ZP4: variants seen among roughly 807,000 people sequenced by gnomAD.
ZP4 encodes zona pellucida sperm-binding protein 4.
ZP4 carries 62 observed loss-of-function variants against 62.3 expected under a neutral mutation model. That is an observed-to-expected ratio of 0.99 (90% CI 0.81 to 1.23). The LOEUF is 1.23. Among genes scored for constraint, ZP4 ranks in the 50% most tolerant of loss-of-function variants. The probability of loss-of-function intolerance (pLI) is 0.00; values close to 1 mark genes in which losing one functional copy is unlikely to be tolerated. For missense variants in ZP4, 774 were observed against 656.0 expected, an observed-to-expected ratio of 1.18 and a Z score of -1.97; for synonymous variants, 289 against 247.3, an observed-to-expected ratio of 1.17 and a Z score of -1.58.
chr1:237,887,585 A>T (rs761353828), intron 4 of ZP4, 24 bp from the exon 5 acceptor site: 15 of 1,605,366 alleles, frequency 9.3e-6, no homozygotes, highest in Admixed American at 6.8e-5. Context: ...GCTGTGCTGA[A>T]GGCAGGTCAT....
At chr1:237,888,292 T>G in intron 4 of ZP4, 66 bp downstream of exon 4, 1 of 1,447,168 alleles carries the variant, frequency 6.9e-7, no homozygotes. Flanking sequence ...AGCAAACCCC[T>G]CTCTGGGTTT....
intron 10 of ZP4, among the ~76,000 whole-genome samples, chr1:237,883,698 G>GAGA (rs1664981411): frequency 5.4e-5 from 1 of 18,594 alleles, no homozygotes; most frequent in African/African-American, 2.9e-4. Context: ...GGAGGGCGGG[G>GAGA]GAGGGCGGGG....
chr1:237,889,833 C>A (rs761534430), intron 3 of ZP4, 34 bp downstream of exon 3: 9 of 1,509,428 alleles, frequency 6.0e-6, no homozygotes, highest in South Asian at 2.2e-5. Context: ...ACCCCCACCA[C>A]CCCCACAAGA....
intron 6 of ZP4, 58 bp downstream of exon 6, chr1:237,886,713 C>T: frequency 6.9e-7 from 1 of 1,459,646 alleles, no homozygotes; most frequent in South Asian, 1.2e-5. Context: ...GGATTCAGGG[C>T]TTACCTGAGA....
rs866786694 is a variant in ZP4, at chr1:237,890,460, C to A, written c.175+1G>T. 6.2e-7 allele frequency: 1 copy of A among 1,606,904 alleles called. No individual in the cohort carries two copies. The highest frequency in any genetic ancestry group is 1.7e-5 in the Admixed American group (1 of 58,656). Reference sequence around the variant, plus strand: ...TAAGCAAGGCAAGTCATCAAACTTACCCCAAGCTATTAGTACAGGAGGAGA... The same window carrying A: ...TAAGCAAGGCAAGTCATCAAACTTAACCCAAGCTATTAGTACAGGAGGAGA... On this transcript the variant is annotated splice_donor_variant, in intron 1 of 11. Coordinates refer to ENST00000366570, the MANE Select transcript of ZP4 (RefSeq NM_021186.5). LOFTEE classifies it high-confidence loss of function.
chr1:237,890,379 A>G, intron 1 of ZP4, 82 bp downstream of exon 1: 1 of 1,524,034 alleles, frequency 6.6e-7, no homozygotes, highest in Non-Finnish European at 8.9e-7. Flanking sequence ...GAAAGTATCA[A>G]TACGGGAAGA....
intron 7 of ZP4, 24 bp from the exon 8 acceptor site, chr1:237,885,604 T>A (rs1239934216): frequency 6.2e-7 from 1 of 1,609,070 alleles, no homozygotes; most frequent in South Asian, 1.1e-5. Flanking sequence ...AAATAAGGAT[T>A]TGAAGTAGTA....
Position 237,890,526 on chromosome 1 carries a change from C to T in ZP4, c.110G>A (p.Trp37Ter). 6.2e-7 allele frequency: 1 copy of T among 1,614,048 alleles called. No individual in the cohort carries two copies. Among genetic ancestry groups the T allele is most frequent in the Non-Finnish European group, 8.5e-7 (1 of 1,180,012 alleles). ...GAGGTTTACAGCAAACTGGAAGCTC[C>T]ACGGCCCACAGTGGAGCACACTGGA... ...DYSSVLHCGP[W>*]SFQFAVNLNQ... Residue 37 changes from tryptophan to a stop codon, truncating the protein, a stop_gained, in exon 1 of 12, where the codon TGG becomes TAG. Coordinates refer to ENST00000366570, the MANE Select transcript of ZP4 (RefSeq NM_021186.5). LOFTEE classifies it high-confidence loss of function.
chr1:237,890,385 G>A, intron 1 of ZP4, 76 bp downstream of exon 1: 5 of 1,532,226 alleles, frequency 3.3e-6, no homozygotes, highest in Non-Finnish European at 4.4e-6. Context: ...ATCAATACGG[G>A]AAGATAGGGA....
chr1:237,885,116 T>C, intron 9 of ZP4, 49 bp downstream of exon 9: 2 of 1,593,304 alleles, frequency 1.3e-6, no homozygotes, highest in Non-Finnish European at 1.7e-6. Context: ...CAGTTGTAAG[T>C]TGGGGAGGTT....
Position 237,887,578 on chromosome 1 carries a change from G to C in ZP4, c.554-17C>G, listed in dbSNP as rs371408938. 2 of 1,609,370 alleles carry C rather than the reference G, an allele frequency of 1.2e-6. No homozygotes were observed. The highest frequency in any genetic ancestry group is 1.7e-6 in the Non-Finnish European group (2 of 1,177,664). On this transcript the variant is annotated splice_polypyrimidine_tract_variant and intron_variant, in intron 4 of 11. Coordinates refer to ENST00000366570, the MANE Select transcript of ZP4 (RefSeq NM_021186.5). ...GCAAGGTCACTGAAACAGAGCAGCT[G>C]TGCTGAAGGCAGGTCATCTCTCCCA...
At position 237,882,717 on chromosome 1, in the gene ZP4, G is replaced by C. The variant is rs964244000; in HGVS notation, c.1495+25C>G. On this transcript the variant is annotated intron_variant, in intron 11 of 11. Coordinates refer to ENST00000366570, the MANE Select transcript of ZP4 (RefSeq NM_021186.5). ...GATTAGTAATTTAGTTCACTAGTTTGATCTCCTCCCTCTTGGATACTTACG... is the reference window on the plus strand; with the variant it reads ...GATTAGTAATTTAGTTCACTAGTTTCATCTCCTCCCTCTTGGATACTTACG... The C allele has an allele frequency of 1.9e-6, 3 of 1,608,772 alleles. No individual in the cohort carries two copies. The African/African-American group carries it at 4.0e-5, about 22-fold the overall frequency.
chr1:237,888,605 A>G, intron 3 of ZP4, 95 bp from the exon 4 acceptor site: 1 of 1,232,982 alleles, frequency 8.1e-7, no homozygotes, highest in Middle Eastern at 2.1e-4. Context: ...ATTCCTGTAG[A>G]TATGTAGATG....
rs772498609 is a variant in ZP4 at position 237,884,695 on chromosome 1, C to T, written c.1390+74G>A. The stretch of plus-strand genomic sequence containing the variant: ...TGAATCTTCAGTTTGAGTTGTTTGG[C>T]CAGAGACTAGGAAAGGTTAGACATG... On this transcript the variant is annotated intron_variant, in intron 10 of 11. Coordinates refer to ENST00000366570, the MANE Select transcript of ZP4 (RefSeq NM_021186.5). 101 of 1,402,560 alleles carry T rather than the reference C, an allele frequency of 7.2e-5. 1 individual carries two copies. The highest frequency in any genetic ancestry group is 9.7e-5 in the Non-Finnish European group (98 of 1,007,278). The allele number at this position is 1,402,560 out of a possible 1,614,324, so 86.9% of individuals were successfully genotyped here.
rs748187253 is a variant in ZP4, at chr1:237,890,503, G to C, written c.133C>G (p.Leu45Val). 1.2e-6 allele frequency: 2 copies of C among 1,613,898 alleles called. No individual in the cohort carries two copies. Among genetic ancestry groups the C allele is most frequent in the African/African-American group, 2.7e-5 (2 of 74,864 alleles). The change falls in exon 1 of 12, where the codon CTC becomes GTC. Residue 45 changes from leucine (L) to valine (V), a missense_variant. Coordinates refer to ENST00000366570, the MANE Select transcript of ZP4 (RefSeq NM_021186.5). ...GGAGGAGACGTTGCCTCCTGGTTGA[G>C]GTTTACAGCAAACTGGAAGCTCCAC... ...GPWSFQFAVN[L>V]NQEATSPPVL...
chr1:237,882,937 A>G (rs1664951080), intron 10 of ZP4, 91 bp from the exon 11 acceptor site: 1 of 1,102,968 alleles, frequency 9.1e-7, no homozygotes, highest in Non-Finnish European at 1.3e-6. Context: ...AAGTGTCTCT[A>G]TAAAGCTTGG....
rs1232206631 is a variant in ZP4 at position 237,885,186 on chromosome 1, C to G, written c.1290G>C (p.Glu430Asp). Residue 430 changes from glutamate (E) to aspartate (D), a missense_variant, in exon 9 of 12, where the codon GAG (glutamate) becomes GAC (aspartate). Coordinates refer to ENST00000366570, the MANE Select transcript of ZP4 (RefSeq NM_021186.5). ...CTACCGGTCCCCTGAGGGCCTGTTTCTCCACTGTAGGGTTCACAAAGCTGA... is the reference window on the plus strand; with the variant it reads ...CTACCGGTCCCCTGAGGGCCTGTTTGTCCACTGTAGGGTTCACAAAGCTGA... ...FTFSFVNPTVEKQALRGPVHL... is the reference protein window; with the variant it reads ...FTFSFVNPTVDKQALRGPVHL... 1 of 1,613,848 alleles carries G rather than the reference C, an allele frequency of 6.2e-7. No homozygotes were observed. Among genetic ancestry groups the G allele is most frequent in the African/African-American group, 1.3e-5 (1 of 74,908 alleles).
rs751526204 is a variant in ZP4 at position 237,887,604 on chromosome 1, T to C, written c.554-43A>G. On this transcript the variant is annotated intron_variant, in intron 4 of 11. Transcript: ENST00000366570. The stretch of plus-strand genomic sequence containing the variant: ...TGCTGAAGGCAGGTCATCTCTCCCA[T>C]TGTGGGGAGAACCAGATGAAAGTCT... 1.1e-5 allele frequency: 17 copies of C among 1,572,890 alleles called. No individual in the cohort carries two copies. In the African/African-American group the frequency reaches 1.6e-4, roughly 15 times the overall value.
rs1230803116 is a variant in ZP4, at chr1:237,888,380, AT to A, written c.530del (p.Asn177IlefsTer9). ...LGCCYSSEEV[N>X]SCYYGNTVTL... ...CACCAGTGTTTCCATAGTAGCAGGA[AT>A]TCACCTCTTCAGAGCTATAACAACA... On this transcript the variant is annotated frameshift_variant, in exon 4 of 12. Coordinates refer to ENST00000366570, the MANE Select transcript of ZP4 (RefSeq NM_021186.5). LOFTEE classifies it high-confidence loss of function. 3 of 1,589,588 alleles carry A rather than the reference AT, an allele frequency of 1.9e-6. No individual in the cohort carries two copies. Among genetic ancestry groups the A allele is most frequent in the Non-Finnish European group, 2.6e-6 (3 of 1,162,308 alleles).
Sources: gnomAD v4.1 joint callset for allele counts (sites outside exome capture counted in the v4.1 genomes callset) on GRCh38, gnomAD v4.1.1 for gene constraint, MANE v1.5 for transcripts, NCBI Gene and HGNC (gene_info 2026-07-23, HGNC 2026-07-21) for gene names.